The following WNT5B variants were observed in gnomAD, a reference collection of about 807,000 sequenced individuals.
WNT5B encodes Wnt family member 5B, also known as protein Wnt-5b.
Under a neutral mutation model 36.5 loss-of-function variants are expected in WNT5B, and 18 were observed. That is an observed-to-expected ratio of 0.49 (90% CI 0.34 to 0.73). The LOEUF (loss-of-function observed/expected upper bound fraction) is 0.73. Ranked by LOEUF, WNT5B falls within the 30% of genes least tolerant of loss-of-function variation. The pLI, the probability that WNT5B is intolerant of heterozygous loss-of-function variation, is 0.01. For synonymous variants in WNT5B, 213 were observed against 212.3 expected (o/e 1.00, Z -0.03); for missense variants, 424 against 508.4 (o/e 0.83, Z 1.60).
At chr12:1,626,807 T>C (rs1339844070), upstream of WNT5B, among the ~76,000 whole-genome samples, 23 of 150,330 alleles carry the variant, frequency 1.5e-4, no homozygotes, top group East Asian at 4.0e-4. Context: ...CCTCATGATC[T>C]GCCCGCCTCG....
chr12:1,631,195 C>T, intron 1 of WNT5B, 103 bp from the exon 2 acceptor site: 3 of 1,029,046 alleles, frequency 2.9e-6, no homozygotes, highest in African/African-American at 1.6e-5. Flanking sequence ...GGGGAACACG[C>T]AGCACGTAAG....
rs1036071504 is a variant in WNT5B, at chr12:1,633,528, C to T, written c.328+623C>T. 2.0e-5 allele frequency among the ~76,000 whole-genome samples: 3 copies of T among 152,228 alleles called. No homozygotes were observed. Among genetic ancestry groups the T allele is most frequent in the African/African-American group, 7.2e-5 (3 of 41,468 alleles). ...GATTCCTGTCCCTTCCCCTCTCCCA[C>T]TGCTGGCCAAGGATTCTTGGGCCAC... On this transcript the variant is annotated intron_variant, in intron 3 of 4. Coordinates refer to ENST00000397196, the MANE Select transcript of WNT5B (RefSeq NM_032642.3). The surrounding 1 kb of genome is among the most constrained non-coding windows in gnomAD (Gnocchi z 4.8).
intron 3 of WNT5B, among the ~76,000 whole-genome samples, 178 bp from the exon 4 acceptor site, chr12:1,639,506 G>A (rs374336675): frequency 3.9e-5 from 6 of 152,292 alleles, no homozygotes; most frequent in African/African-American, 1.4e-4. Flanking sequence ...TAAAACAGCA[G>A]ATTTCAGCCC....
intron 1 of WNT5B, among the ~76,000 whole-genome samples, chr12:1,622,661 G>T (rs974031425): frequency 4.6e-5 from 7 of 152,194 alleles, no homozygotes; most frequent in Admixed American, 3.3e-4. Flanking sequence ...GCCAGAGGAG[G>T]GCTTTTCTTT....
rs2094582540 is a variant in WNT5B at position 1,644,971 on chromosome 12, G to A, written c.622-823G>A. The A allele has an allele frequency of 1.3e-5, 2 of 152,304 alleles. No homozygotes were observed. The highest frequency in any genetic ancestry group is 2.9e-5 in the Non-Finnish European group (2 of 68,130). 9.4% of individuals were successfully genotyped at this position (152,304 alleles called of 1,614,324 possible). The stretch of plus-strand genomic sequence containing the variant: ...CCAGCTCTCCCAAGGGGGCGTCTGG[G>A]GGCTGCTCGGGAGGAAGACGGTGGT... On this transcript the variant is annotated intron_variant, in intron 4 of 4. Transcript: ENST00000397196. The surrounding 1 kb of genome is among the most constrained non-coding windows in gnomAD (Gnocchi z 5.1).
upstream of WNT5B, among the ~76,000 whole-genome samples, chr12:1,628,249 A>G (rs542940929): frequency 2.6e-5 from 4 of 151,178 alleles, no homozygotes; most frequent in Non-Finnish European, 5.9e-5. Flanking sequence ...TCCACCTCCC[A>G]GGTTCAAGCG....
At chr12:1,634,653 C>T (rs1340292577) in intron 3 of WNT5B, among the ~76,000 whole-genome samples, 1 of 152,104 alleles carries the variant, frequency 6.6e-6, no homozygotes, top group Non-Finnish European at 1.5e-5. Context: ...CTCATGCTAC[C>T]TAGGAGGCTG....
intron 1 of WNT5B, among the ~76,000 whole-genome samples, chr12:1,623,247 C>G (rs543212740): frequency 8.2e-5 from 11 of 133,642 alleles, no homozygotes; most frequent in East Asian, 4.6e-4. Flanking sequence ...CCAGGCCGGA[C>G]TGCAGTGGCA....
Position 1,646,457 on chromosome 12 carries a change from G to A in WNT5B, c.*205G>A. The A allele has an allele frequency of 2.9e-6, 1 of 350,228 alleles. No individual in the cohort carries two copies. 21.7% of individuals were successfully genotyped at this position (350,228 alleles called of 1,614,324 possible). On this transcript the variant is annotated 3_prime_UTR_variant, in exon 5 of 5. Coordinates refer to ENST00000397196, the MANE Select transcript of WNT5B (RefSeq NM_032642.3). ...TTTGCTGGTTCTCTCCTCTTGGTGG[G>A]TGGGAGACAGGGCTTTTTCTCTCCC...
chr12:1,641,929 T>C (rs1005253646), intron 4 of WNT5B, among the ~76,000 whole-genome samples: 9 of 152,266 alleles, frequency 5.9e-5, no homozygotes. Flanking sequence ...TGGAATGTGG[T>C]GCACCTGTGT....
At chr12:1,624,359 C>G (rs1406056847), upstream of WNT5B, among the ~76,000 whole-genome samples, 7 of 90,400 alleles carry the variant, frequency 7.7e-5, no homozygotes, top group African/African-American at 1.3e-4. Context: ...GCCTAGGCAA[C>G]AAAGTGAGAC....
chr12:1,629,404 C>T (rs959818593), intron 1 of WNT5B, 33 bp downstream of exon 1: 3 of 152,646 alleles, frequency 2.0e-5, no homozygotes, highest in Non-Finnish European at 4.4e-5. Flanking sequence ...ACAAGTGTCA[C>T]AGGCGGGGAG....
At chr12:1,643,067 A>G (rs188885129) in intron 4 of WNT5B, among the ~76,000 whole-genome samples, 50 of 152,280 alleles carry the variant, frequency 3.3e-4, no homozygotes, top group African/African-American at 1.2e-3. Context: ...GAACCATATT[A>G]AAAAGAAAAA....
upstream of WNT5B, among the ~76,000 whole-genome samples, chr12:1,624,296 G>A (rs2094538145): frequency 7.0e-6 from 1 of 143,192 alleles, no homozygotes; most frequent in South Asian, 2.2e-4. Context: ...TGAGGCACAA[G>A]CATCACTTGA....
At chr12:1,626,075 C>T (rs2094540605), upstream of WNT5B, among the ~76,000 whole-genome samples, 1 of 150,446 alleles carries the variant, frequency 6.6e-6, no homozygotes, top group Admixed American at 6.7e-5. Context: ...AACTCCTGGG[C>T]TCAAGCGATC....
At chr12:1,643,765 G>A (rs1467330596) in intron 4 of WNT5B, among the ~76,000 whole-genome samples, 8 of 34,526 alleles carry the variant, frequency 2.3e-4, no homozygotes, top group Admixed American at 1.6e-3. Flanking sequence ...CCTACAAAAG[G>A]AGCCTATATA....
At chr12:1,641,310 T>C (rs2094574775) in intron 4 of WNT5B, among the ~76,000 whole-genome samples, 1 of 141,254 alleles carries the variant, frequency 7.1e-6, no homozygotes, top group Admixed American at 7.2e-5. Flanking sequence ...TGCTTGAACC[T>C]GGGAGGCGGA....
At chr12:1,617,754 A>G (rs912182427) in intron 1 of WNT5B, among the ~76,000 whole-genome samples, 48 of 152,356 alleles carry the variant, frequency 3.2e-4, no homozygotes, top group African/African-American at 1.1e-3. Flanking sequence ...GAAAGACAGC[A>G]GAGAGCAGTG....
chr12:1,642,743 T>G (rs1255656837), intron 4 of WNT5B, among the ~76,000 whole-genome samples: 2 of 152,338 alleles, frequency 1.3e-5, no homozygotes, highest in African/African-American at 2.4e-5. Flanking sequence ...GGCTGTTATC[T>G]GGCAGCCTTC....
Sources: allele counts gnomAD v4.1 joint callset (sites outside exome capture counted in the v4.1 genomes callset), GRCh38; gene constraint gnomAD v4.1.1; non-coding constraint Gnocchi (gnomAD v3.1); transcripts MANE v1.5; gene names NCBI Gene and HGNC (gene_info 2026-07-23, HGNC 2026-07-21).